Variants in ALK observed in about 807,000 individuals in gnomAD.
The protein encoded by ALK is ALK tyrosine kinase receptor.
In ALK, 74 loss-of-function variants were observed where a neutral mutation model predicts 163.1. The observed-to-expected ratio is 0.45, with a 90% CI of 0.38 to 0.55. The LOEUF is 0.55. Among genes scored for constraint, ALK ranks in the 20% least tolerant of loss-of-function variants. The pLI, the probability that ALK is intolerant of heterozygous loss-of-function variation, is 0.00. For synonymous variants in ALK, 960 were observed against 843.2 expected, an observed-to-expected ratio of 1.14 and a Z score of -2.40; for missense variants, 2,063 against 2,105.3, an observed-to-expected ratio of 0.98 and a Z score of 0.39.
chr2:29,545,630 T>G (rs1392970544), intron 3 of ALK, among the ~76,000 whole-genome samples: 1 of 152,206 alleles, frequency 6.6e-6, no homozygotes, highest in Non-Finnish European at 1.5e-5. Flanking sequence ...TCAGTCCCTG[T>G]GCACTTTTAC....
chr2:29,589,280 T>A (rs1674979253), intron 3 of ALK, among the ~76,000 whole-genome samples: 1 of 152,170 alleles, frequency 6.6e-6, no homozygotes, highest in South Asian at 2.1e-4. Context: ...GGAGATGGGG[T>A]CTGCTGCAAG....
At chr2:29,800,110 G>A (rs1446362318) in intron 1 of ALK, among the ~76,000 whole-genome samples, 1 of 152,242 alleles carries the variant, frequency 6.6e-6, no homozygotes, top group Non-Finnish European at 1.5e-5. Flanking sequence ...ACACTCATTG[G>A]AGATGAAAGT....
At chr2:29,618,634 C>T (rs1675928292) in intron 3 of ALK, among the ~76,000 whole-genome samples, 1 of 152,094 alleles carries the variant, frequency 6.6e-6, no homozygotes, top group African/African-American at 2.4e-5. Context: ...TGCAAAGCTG[C>T]CCACGCTACA....
At chr2:29,338,974 G>A (rs1374089436) in intron 5 of ALK, among the ~76,000 whole-genome samples, 1 of 152,226 alleles carries the variant, frequency 6.6e-6, no homozygotes, top group African/African-American at 2.4e-5. Context: ...CAGGTGTGGT[G>A]TCTCACACCT....
At chr2:29,839,073 G>A (rs1310741126) in intron 1 of ALK, among the ~76,000 whole-genome samples, 1 of 152,114 alleles carries the variant, frequency 6.6e-6, no homozygotes, top group Non-Finnish European at 1.5e-5. Flanking sequence ...AAGTTACACT[G>A]ATAATTATTT....
intron 3 of ALK, among the ~76,000 whole-genome samples, chr2:29,578,685 G>A (rs550904270): frequency 5.3e-5 from 8 of 152,278 alleles, no homozygotes; most frequent in Non-Finnish European, 7.4e-5. Context: ...GGGGTCACCC[G>A]GAATAAAGGG....
chr2:29,309,590 G>C (rs1428181392), intron 8 of ALK, among the ~76,000 whole-genome samples: 1 of 152,182 alleles, frequency 6.6e-6, no homozygotes, highest in Non-Finnish European at 1.5e-5. Flanking sequence ...CTGGGCTCCA[G>C]TGGCTTCCTA....
chr2:29,372,729 T>A (rs936380355), intron 5 of ALK, among the ~76,000 whole-genome samples: 3 of 152,244 alleles, frequency 2.0e-5, no homozygotes, highest in Non-Finnish European at 4.4e-5. Context: ...CTATATCTTC[T>A]TTCCACTGTC....
intron 5 of ALK, among the ~76,000 whole-genome samples, chr2:29,339,502 C>G (rs1253999339): frequency 6.6e-6 from 1 of 152,046 alleles, no homozygotes; most frequent in African/African-American, 2.4e-5. Flanking sequence ...TGGGCCGTGG[C>G]AAGGAGCATG....
intron 1 of ALK, among the ~76,000 whole-genome samples, chr2:29,750,856 G>A (rs571505996): frequency 1.4e-4 from 22 of 152,078 alleles, no homozygotes; most frequent in African/African-American, 5.1e-4. Flanking sequence ...TGGATCATGA[G>A]GTCAGGAGTT....
chr2:29,523,504 G>A (rs1312877243), intron 4 of ALK, among the ~76,000 whole-genome samples: 1 of 152,160 alleles, frequency 6.6e-6, no homozygotes, highest in Non-Finnish European at 1.5e-5. Flanking sequence ...TGAACTATGA[G>A]TGAATTTCTT....
At chr2:29,547,968 A>G (rs1047121577) in intron 3 of ALK, among the ~76,000 whole-genome samples, 3 of 152,228 alleles carry the variant, frequency 2.0e-5, no homozygotes, top group African/African-American at 7.2e-5. Context: ...ATGCTAAAAA[A>G]CAATTTTGTT....
At position 29,817,076 on chromosome 2, in the gene ALK, A is replaced by G. The variant is rs1156493304; in HGVS notation, c.668-99379T>C. Among the ~76,000 whole-genome samples, 12 of 152,204 alleles carry G rather than the reference A, an allele frequency of 7.9e-5. 1 individual carries two copies. The highest frequency in any genetic ancestry group is 7.8e-4 in the Admixed American group (12 of 15,288). On this transcript the variant is annotated intron_variant, in intron 1 of 28. Coordinates refer to ENST00000389048, the MANE Select transcript of ALK (RefSeq NM_004304.5). The stretch of plus-strand genomic sequence containing the variant: ...TCCTCTTTTACAGAGGACACGATGG[A>G]AGCATGGGGAGCTTCAGTAGTAACC...
intron 3 of ALK, among the ~76,000 whole-genome samples, chr2:29,555,681 T>C (rs1460313123): frequency 6.6e-6 from 1 of 152,142 alleles, no homozygotes; most frequent in Admixed American, 6.5e-5. Context: ...ATGACCTCAA[T>C]TGAACGAGCC....
intron 9 of ALK, among the ~76,000 whole-genome samples, chr2:29,280,823 C>T (rs1308542304): frequency 6.6e-6 from 1 of 151,642 alleles, no homozygotes; most frequent in Non-Finnish European, 1.5e-5. Flanking sequence ...TGGTATGTGC[C>T]AGGTATACCA....
At chr2:29,196,119 T>G (rs1669017707) in intron 28 of ALK, among the ~76,000 whole-genome samples, 1 of 152,132 alleles carries the variant, frequency 6.6e-6, no homozygotes, top group Non-Finnish European at 1.5e-5. Flanking sequence ...GAGGGATCTG[T>G]AGAGGAACCC....
chr2:29,587,184 C>T (rs954750193), intron 3 of ALK, among the ~76,000 whole-genome samples: 4 of 152,188 alleles, frequency 2.6e-5, no homozygotes, highest in Non-Finnish European at 5.9e-5. Flanking sequence ...ATGTTTTAGA[C>T]TTGGGCACAG....
At chr2:29,723,688 A>G (rs1679484627) in intron 1 of ALK, among the ~76,000 whole-genome samples, 1 of 152,246 alleles carries the variant, frequency 6.6e-6, no homozygotes, top group Non-Finnish European at 1.5e-5. Flanking sequence ...AATAGGGCAT[A>G]TTCTAAAAAT....
intron 3 of ALK, among the ~76,000 whole-genome samples, chr2:29,648,790 T>G (rs770667182): frequency 3.8e-4 from 58 of 152,312 alleles, no homozygotes; most frequent in African/African-American, 1.3e-3. Flanking sequence ...CTATTCTTTG[T>G]TTTATTCTCT....
Sources: allele counts gnomAD v4.1 joint callset (sites outside exome capture counted in the v4.1 genomes callset), GRCh38; gene constraint gnomAD v4.1.1; transcripts MANE v1.5; gene names NCBI Gene and HGNC (gene_info 2026-07-23, HGNC 2026-07-21).